Variants in HTR3C observed in about 807,000 individuals in gnomAD.
HTR3C encodes 5-HT3-C.
Under a neutral mutation model 40.5 loss-of-function variants are expected in HTR3C, and 32 were observed. The observed-to-expected ratio is 0.79, with a 90% CI of 0.60 to 1.06. The LOEUF (loss-of-function observed/expected upper bound fraction) is 1.06, where lower values mean the gene tolerates loss of function less well. Ranked by LOEUF, HTR3C falls within the 50% of genes least tolerant of loss-of-function variation. The pLI is 0.00. For missense variants in HTR3C, 523 were observed against 556.8 expected (o/e 0.94, Z 0.61); for synonymous variants, 209 against 217.1 (o/e 0.96, Z 0.33).
intron 5 of HTR3C, 149 bp from the exon 6 acceptor site, chr3:184,058,278 G>A (rs746061351): frequency 3.3e-5 from 22 of 664,582 alleles, no homozygotes; most frequent in East Asian, 2.6e-4. Flanking sequence ...ATTGCTAGTC[G>A]GGTAACCCAC....
chr3:184,056,474 C>T (rs1239524722), intron 4 of HTR3C, among the ~76,000 whole-genome samples, 188 bp downstream of exon 4: 5 of 152,068 alleles, frequency 3.3e-5, no homozygotes, highest in East Asian at 1.9e-4. Flanking sequence ...GGGCCAGGCG[C>T]GGTGGCTCAC....
At chr3:184,057,931 C>T (rs371926474) in intron 5 of HTR3C, among the ~76,000 whole-genome samples, 2 of 152,104 alleles carry the variant, frequency 1.3e-5, no homozygotes, top group African/African-American at 4.8e-5. Flanking sequence ...CTGCTGCACA[C>T]CTATAATTTT....
In HTR3C at chr3:184,060,273, T is replaced by C. The variant is rs373391737; in HGVS notation, c.1265T>C (p.Met422Thr). The stretch of plus-strand genomic sequence containing the variant: ...CTGTGGGTGCAGTTCAGCCACGCGA[T>C]GGACACCCTGCTCTTCCGCCTCTAC... ...MELWVQFSHA[M>T]DTLLFRLYLL... The change falls in exon 9 of 9, where the codon ATG (methionine) becomes ACG (threonine). Residue 422 changes from methionine to threonine, a missense_variant. Transcript: ENST00000318351. 1 of 1,614,064 alleles carries C rather than the reference T, an allele frequency of 6.2e-7. No individual in the cohort carries two copies. Among genetic ancestry groups the C allele is most frequent in the Non-Finnish European group, 8.5e-7 (1 of 1,180,044 alleles).
At chr3:184,058,308 C>T (rs1723371145) in intron 5 of HTR3C, 119 bp from the exon 6 acceptor site, 2 of 974,280 alleles carry the variant, frequency 2.1e-6, no homozygotes, top group Non-Finnish European at 2.9e-6. Flanking sequence ...AACCAGGATA[C>T]CTTGCTTTAA....
At chr3:184,054,683 A>G (rs1394646692) in intron 1 of HTR3C, 38 bp from the exon 2 acceptor site, 1 of 1,496,376 alleles carries the variant, frequency 6.7e-7, no homozygotes, top group Non-Finnish European at 8.9e-7. Flanking sequence ...AGCCCTGGAA[A>G]TAGAGTCCCT....
At chr3:184,059,701 G>A (rs1174237101) in intron 7 of HTR3C, 61 bp downstream of exon 7, 3 of 1,598,896 alleles carry the variant, frequency 1.9e-6, no homozygotes, top group East Asian at 4.5e-5. Context: ...GGAGGGCCAG[G>A]AGAAATGGCC....
At position 184,053,136 on chromosome 3, in the gene HTR3C, T is replaced by C. The variant is rs1723257659; in HGVS notation, c.56T>C (p.Leu19Pro). The part of the protein sequence containing the change: ...QSALLCLTVS[L>P]LLQGRGDAFT... ...GCCCTCCTCTGCCTCACTGTCAGTC[T>C]TCTGCTTCAAGGTAAGATGGGACGA... Residue 19 changes from leucine to proline, a missense_variant, in exon 1 of 9, where the codon CTT (leucine) becomes CCT (proline). Leu to Pro is a moderately conservative substitution (Grantham distance 98). Coordinates refer to ENST00000318351, the MANE Select transcript of HTR3C (RefSeq NM_130770.3). 1 of 1,613,610 alleles carries C rather than the reference T, an allele frequency of 6.2e-7. No homozygotes were observed. The highest frequency in any genetic ancestry group is 8.5e-7 in the Non-Finnish European group (1 of 1,179,702).
rs774299305 is a variant in HTR3C, at chr3:184,058,422, T to C, written c.560-5T>C. Reference sequence around the variant, plus strand: ...CTGCAATGAACTGACCGGCCTCCCTTCCAGTGGACAGCATGCTGCTGGGCA... The same window carrying C: ...CTGCAATGAACTGACCGGCCTCCCTCCCAGTGGACAGCATGCTGCTGGGCA... On this transcript the variant is annotated splice_polypyrimidine_tract_variant and splice_region_variant and intron_variant, in intron 5 of 8. Transcript: ENST00000318351. 1.3e-5 allele frequency: 21 copies of C among 1,595,134 alleles called. 1 individual carries two copies. The South Asian group carries it at 2.2e-4, about 16-fold the overall frequency.
chr3:184,060,435 G>T lies in HTR3C; in HGVS notation c.*83G>T. ...AGCCGGACTCATTTTCCTAATCTTA[G>T]CCACTTATCCCCAGTGACTACCATG... On this transcript the variant is annotated 3_prime_UTR_variant, in exon 9 of 9. Coordinates refer to ENST00000318351, the MANE Select transcript of HTR3C (RefSeq NM_130770.3). 6.5e-7 allele frequency: 1 copy of T among 1,548,890 alleles called. No homozygotes were observed. Among genetic ancestry groups the T allele is most frequent in the African/African-American group, 1.4e-5 (1 of 73,652 alleles).
intron 6 of HTR3C, among the ~76,000 whole-genome samples, chr3:184,059,213 T>C (rs1723390768): frequency 6.6e-6 from 1 of 152,144 alleles, no homozygotes; most frequent in Non-Finnish European, 1.5e-5. Flanking sequence ...CACTTGCACC[T>C]AAAATTCTAC....
rs569567438 is a variant in HTR3C at position 184,059,435 on chromosome 3, G to A, written c.721-1G>A. Reference sequence around the variant, plus strand: ...TGCCATCTTCTCCGGTCTCTCTCCAGGTGGCCATCAGGCGCAGGCCAAGCC... The same window carrying A: ...TGCCATCTTCTCCGGTCTCTCTCCAAGTGGCCATCAGGCGCAGGCCAAGCC... On this transcript the variant is annotated splice_acceptor_variant, in intron 6 of 8. Transcript: ENST00000318351. LOFTEE classifies it high-confidence loss of function. The A allele has an allele frequency of 1.2e-6, 2 of 1,613,750 alleles. No homozygotes were observed. Among genetic ancestry groups the A allele is most frequent in the African/African-American group, 1.3e-5 (1 of 75,034 alleles).
At chr3:184,059,363 G>T in intron 6 of HTR3C, 73 bp from the exon 7 acceptor site, 1 of 1,387,852 alleles carries the variant, frequency 7.2e-7, no homozygotes, top group Admixed American at 1.7e-5. Context: ...CATTGGCAAA[G>T]ATTAGGGGTC....
At chr3:184,055,182 G>T in intron 2 of HTR3C, 130 bp from the exon 3 acceptor site, 1 of 717,518 alleles carries the variant, frequency 1.4e-6, no homozygotes. Flanking sequence ...GGAAACGAGT[G>T]AGGAAAAGAC....
rs1354585857 is a variant in HTR3C, at chr3:184,056,294, TGCAGGCTG to T, written c.389+10_389+17del. On this transcript the variant is annotated intron_variant, in intron 4 of 8. Transcript: ENST00000318351. Reference sequence around the variant, plus strand: ...CATCTTCATCGTGGAATCGTGCGTATGCAGGCTGGGGAAGCCAGCGTGAAACCTCATCT... The same window carrying T: ...CATCTTCATCGTGGAATCGTGCGTATGGGAAGCCAGCGTGAAACCTCATCT... 6.3e-7 allele frequency: 1 copy of T among 1,595,988 alleles called. No homozygotes were observed. The highest frequency in any genetic ancestry group is 8.6e-7 in the Non-Finnish European group (1 of 1,163,542).
chr3:184,060,362 C>A lies in HTR3C; in HGVS notation c.*10C>A, dbSNP rs959892514. On this transcript the variant is annotated 3_prime_UTR_variant, in exon 9 of 9. Transcript: ENST00000318351. The stretch of plus-strand genomic sequence containing the variant: ...CCTCTGGAACACCTAGGCAGACATC[C>A]CCCCTCTCTGGCAAACAACAGCTTG... 2 of 1,614,070 alleles carry A rather than the reference C, an allele frequency of 1.2e-6. No homozygotes were observed. The highest frequency in any genetic ancestry group is 1.7e-5 in the Admixed American group (1 of 60,012).
chr3:184,059,399 A>T, intron 6 of HTR3C, 37 bp from the exon 7 acceptor site: 1 of 1,581,290 alleles, frequency 6.3e-7, no homozygotes, highest in South Asian at 1.1e-5. Context: ...GCCCTCTGAC[A>T]TCTATTTATT....
chr3:184,056,729 C>A, intron 4 of HTR3C, 146 bp from the exon 5 acceptor site: 1 of 692,562 alleles, frequency 1.4e-6, no homozygotes, highest in Non-Finnish European at 2.2e-6. Context: ...GCCTGGGCTA[C>A]AAGAGTGAAA....
intron 4 of HTR3C, 84 bp from the exon 5 acceptor site, chr3:184,056,791 G>A: frequency 8.4e-7 from 1 of 1,185,048 alleles, no homozygotes; most frequent in South Asian, 2.0e-5. Context: ...GAGCCCAGAA[G>A]GAGAGCACAG....
chr3:184,055,218 G>A (rs573071015), intron 2 of HTR3C, 94 bp from the exon 3 acceptor site: 8 of 870,808 alleles, frequency 9.2e-6, no homozygotes, highest in African/African-American at 1.7e-5. Context: ...ACAATGCCTG[G>A]CCCAATAAAT....
Sources: gnomAD v4.1 joint callset for allele counts (sites outside exome capture counted in the v4.1 genomes callset) on GRCh38, gnomAD v4.1.1 for gene constraint, MANE v1.5 for transcripts, NCBI Gene and HGNC (gene_info 2026-07-23, HGNC 2026-07-21) for gene names.